RFX2: variants seen among roughly 807,000 people sequenced by gnomAD.
The protein encoded by RFX2 is regulatory factor X2.
A neutral mutation model predicts 87.8 loss-of-function variants in RFX2; 20 were observed. That is an observed-to-expected ratio of 0.23 (90% CI 0.16 to 0.33). RFX2 has a LOEUF of 0.33. Among genes scored for constraint, RFX2 ranks in the 10% least tolerant of loss-of-function variants. RFX2 has a pLI of 1.00. For synonymous variants in RFX2, 397 were observed against 431.3 expected (o/e 0.92, Z 0.98); for missense variants, 767 against 1,012.3 (o/e 0.76, Z 3.29).
Position 5,994,707 on chromosome 19 carries a change from C to A in RFX2, c.*128G>T. 1 of 652,494 alleles carries A rather than the reference C, an allele frequency of 1.5e-6. No individual in the cohort carries two copies. The highest frequency in any genetic ancestry group is 2.7e-6 in the Non-Finnish European group (1 of 375,748). 40.4% of individuals were successfully genotyped at this position (652,494 alleles called of 1,614,324 possible). A position where few individuals can be genotyped will look rare whatever the true frequency, so the allele number is the denominator to read the frequency against. The stretch of plus-strand genomic sequence containing the variant: ...TTCTTGAACACTGACCCCGGGAGCC[C>A]CCGCTTGAGTCAAAGTAAACATCAC... On this transcript the variant is annotated 3_prime_UTR_variant, in exon 18 of 18. Transcript: ENST00000303657.
Position 6,012,277 on chromosome 19 carries a change from G to C in RFX2, c.899+709C>G, listed in dbSNP as rs2086668753. 1 of 152,232 alleles carries C rather than the reference G, an allele frequency of 6.6e-6. No individual in the cohort carries two copies. Among genetic ancestry groups the C allele is most frequent in the African/African-American group, 2.4e-5 (1 of 41,458 alleles). 9.4% of individuals were successfully genotyped at this position (152,232 alleles called of 1,614,324 possible). On this transcript the variant is annotated intron_variant, in intron 8 of 17. Transcript: ENST00000303657. The surrounding 1 kb of genome is among the most constrained non-coding windows in gnomAD (Gnocchi z 4.6). ...ATCTGCTTCTTTCTCCTGGCTTCTT[G>C]GGTTATTTGCAGTGTCCTCTCTCTC...
intron 5 of RFX2, among the ~76,000 whole-genome samples, chr19:6,032,116 T>C (rs1425187819): frequency 6.6e-6 from 1 of 152,124 alleles, no homozygotes; most frequent in East Asian, 1.9e-4. Flanking sequence ...AGATTGTTTT[T>C]ATTTTATTAT....
chr19:6,011,504 G>C lies in RFX2; in HGVS notation c.900-1253C>G, dbSNP rs2086659667. On this transcript the variant is annotated intron_variant, in intron 8 of 17. Coordinates refer to ENST00000303657, the MANE Select transcript of RFX2 (RefSeq NM_000635.4). The surrounding 1 kb of genome is among the most constrained non-coding windows in gnomAD (Gnocchi z 4.8). ...GGGCATCACACAGACACAGGCTCAG[G>C]CTGTGGCTTCCAAATGCAAATGGCA... Among the ~76,000 whole-genome samples, 4 of 152,242 alleles carry C rather than the reference G, an allele frequency of 2.6e-5. No individual in the cohort carries two copies. The South Asian group carries it at 8.3e-4, about 32-fold the overall frequency.
Position 6,010,153 on chromosome 19 carries a change from T to G in RFX2, c.998A>C (p.His333Pro), listed in dbSNP as rs2086641546. The G allele has an allele frequency of 6.5e-7, 1 of 1,548,038 alleles. No homozygotes were observed. The highest frequency in any genetic ancestry group is 1.4e-5 in the African/African-American group (1 of 73,000). Residue 333 changes from histidine (H) to proline (P), a missense_variant, in exon 9 of 18, where the codon CAC becomes CCC. This residue lies in a region of RFX2 where 621 missense variants were observed against 873.0 expected (regional missense o/e 0.71). Coordinates refer to ENST00000303657, the MANE Select transcript of RFX2 (RefSeq NM_000635.4). The surrounding 1 kb of genome is among the most constrained non-coding windows in gnomAD (Gnocchi z 5.0). ...PEQTMAVQSQ[H>P]HQQYIDVSHV... ...CCTCTCACCTATGTACTGCTGGTGGTGCTGGCTCTGCACGGCCATGGTCTG... is the reference window on the plus strand; with the variant it reads ...CCTCTCACCTATGTACTGCTGGTGGGGCTGGCTCTGCACGGCCATGGTCTG...
chr19:5,995,568 G>T (rs757471649), intron 17 of RFX2, 33 bp downstream of exon 17: 4 of 1,549,086 alleles, frequency 2.6e-6, no homozygotes, highest in Non-Finnish European at 3.5e-6. Flanking sequence ...CCTCCTGGGA[G>T]GGTCGTGGTG....
At chr19:6,077,104 A>G (rs1196110204) in intron 1 of RFX2, 1 of 152,246 alleles carries the variant, frequency 6.6e-6, no homozygotes, top group Non-Finnish European at 1.5e-5. Flanking sequence ...CAACTCATAA[A>G]TCGCATAACA....
chr19:6,099,143 C>A (rs1370826477), intron 1 of RFX2, among the ~76,000 whole-genome samples: 1 of 152,128 alleles, frequency 6.6e-6, no homozygotes, highest in Non-Finnish European at 1.5e-5. Flanking sequence ...TCCAAATTGA[C>A]TTTTTAACAG....
At position 6,001,778 on chromosome 19, in the gene RFX2, C is replaced by A. The variant is rs1009596438; in HGVS notation, c.1859+37G>T. 47 of 1,541,152 alleles carry A rather than the reference C, an allele frequency of 3.0e-5. No homozygotes were observed. Among genetic ancestry groups the A allele is most frequent in the Non-Finnish European group, 3.9e-5 (44 of 1,135,942 alleles). On this transcript the variant is annotated intron_variant, in intron 15 of 17. Coordinates refer to ENST00000303657, the MANE Select transcript of RFX2 (RefSeq NM_000635.4). The surrounding 1 kb of genome is among the most constrained non-coding windows in gnomAD (Gnocchi z 5.6). ...TAGAAGTTTCTCTCAGAGCCCCCCACCCGCCAGAATTCTCTCGGAGGTCTG... is the reference window on the plus strand; with the variant it reads ...TAGAAGTTTCTCTCAGAGCCCCCCAACCGCCAGAATTCTCTCGGAGGTCTG...
At chr19:6,088,439 G>A (rs2087887941) in intron 1 of RFX2, among the ~76,000 whole-genome samples, 1 of 151,820 alleles carries the variant, frequency 6.6e-6, no homozygotes, top group African/African-American at 2.4e-5. Context: ...TCGAACTCTC[G>A]ACCTCAGGTG....
chr19:6,081,859 G>A (rs1204788113), intron 1 of RFX2, among the ~76,000 whole-genome samples: 5 of 152,154 alleles, frequency 3.3e-5, no homozygotes, highest in Non-Finnish European at 5.9e-5. Flanking sequence ...AGGCCGAGGC[G>A]GGCAGATCAT....
chr19:6,025,413 GT>G (rs1302085124), intron 6 of RFX2, among the ~76,000 whole-genome samples: 1 of 152,114 alleles, frequency 6.6e-6, no homozygotes, highest in African/African-American at 2.4e-5. Flanking sequence ...TCAAATTACT[GT>G]TTCTTTCCAA....
chr19:6,057,852 T>A (rs1006366857), intron 1 of RFX2, among the ~76,000 whole-genome samples: 1 of 152,172 alleles, frequency 6.6e-6, no homozygotes, highest in Non-Finnish European at 1.5e-5. Context: ...AAAAGTCTTG[T>A]CCGTTTCCTT....
rs2087461930 is a variant in RFX2 at position 6,063,112 on chromosome 19, A to G, written c.-8-15608T>C. Among the ~76,000 whole-genome samples, 1 of 151,754 alleles carries G rather than the reference A, an allele frequency of 6.6e-6. No individual in the cohort carries two copies. Among genetic ancestry groups the G allele is most frequent in the African/African-American group, 2.4e-5 (1 of 41,266 alleles). On this transcript the variant is annotated intron_variant, in intron 1 of 17. Coordinates refer to ENST00000303657, the MANE Select transcript of RFX2 (RefSeq NM_000635.4). The surrounding 1 kb of genome is among the most constrained non-coding windows in gnomAD (Gnocchi z 4.0). ...TTGCTCCTAGGCCGCCTTCTCCCTC[A>G]TGCATCCAGCTACTTGGTTTGAAAC...
rs1236107155 is a variant in RFX2 at position 6,010,201 on chromosome 19, C to G, written c.950G>C (p.Ser317Thr). ...TDSLGDSGSHSGLHSTPEQTM... is the reference protein window; with the variant it reads ...TDSLGDSGSHTGLHSTPEQTM... ...CTGTTCCGGAGTGCTGTGCAGGCCG[C>G]TGTGGGAGCCGCTGTCCCCGAGGCT... The change falls in exon 9 of 18, where the codon AGC becomes ACC. Residue 317 changes from serine to threonine, a missense_variant. Physicochemically the swap from Ser to Thr is moderately conservative, Grantham distance 58 (BLOSUM62 1). Transcript: ENST00000303657. This position sits in a 1 kb window ranked among gnomAD's most constrained non-coding sequence, Gnocchi z 5.0. 2 of 1,548,502 alleles carry G rather than the reference C, an allele frequency of 1.3e-6. No homozygotes were observed. The highest frequency in any genetic ancestry group is 4.9e-5 in the East Asian group (2 of 40,942).
rs544724240 is a variant in RFX2 at position 6,011,267 on chromosome 19, C to T, written c.900-1016G>A. Among the ~76,000 whole-genome samples, 2 of 152,336 alleles carry T rather than the reference C, an allele frequency of 1.3e-5. No individual in the cohort carries two copies. The highest frequency in any genetic ancestry group is 3.9e-4 in the East Asian group (2 of 5,186). On this transcript the variant is annotated intron_variant, in intron 8 of 17. Transcript: ENST00000303657. The surrounding 1 kb of genome is among the most constrained non-coding windows in gnomAD (Gnocchi z 4.8). ...GCCAGATGGTGGTGGCCAGCCTGTGCAGGCAGTGCTGAGAAACACTCAGCA... is the reference window on the plus strand; with the variant it reads ...GCCAGATGGTGGTGGCCAGCCTGTGTAGGCAGTGCTGAGAAACACTCAGCA...
chr19:6,042,443 T>C (rs901616119), intron 3 of RFX2, among the ~76,000 whole-genome samples: 1 of 151,530 alleles, frequency 6.6e-6, no homozygotes, highest in Non-Finnish European at 1.5e-5. Context: ...CAGTGGAAAC[T>C]AGAGTTGTGG....
At chr19:6,106,752 G>T (rs928452480) in intron 1 of RFX2, among the ~76,000 whole-genome samples, 6 of 150,334 alleles carry the variant, frequency 4.0e-5, no homozygotes, top group African/African-American at 1.2e-4. Context: ...GGGGTATACT[G>T]TTTAAATGTT....
chr19:6,001,916 G>A lies in RFX2; in HGVS notation c.1758C>T (p.Ser586=). The A allele has an allele frequency of 6.2e-7, 1 of 1,613,028 alleles. No homozygotes were observed. The highest frequency in any genetic ancestry group is 8.5e-7 in the Non-Finnish European group (1 of 1,179,922). Residue 586 remains serine, a synonymous_variant, in exon 15 of 18, where the codon AGC becomes AGT. Transcript: ENST00000303657. The surrounding 1 kb of genome is among the most constrained non-coding windows in gnomAD (Gnocchi z 5.6). ...QQQSSLDQWA[S]WLDSVVTQVL... ...CCTGGGTGACCACACTGTCCAGCCA[G>A]CTGGCCCACTGGTCCAGGGAGCTCT...
Position 6,021,854 on chromosome 19 carries a change from A to C in RFX2, c.597+4309T>G, listed in dbSNP as rs895209754. 5.9e-5 allele frequency among the ~76,000 whole-genome samples: 9 copies of C among 152,110 alleles called. No homozygotes were observed. Among genetic ancestry groups the C allele is most frequent in the Admixed American group, 4.6e-4 (7 of 15,276 alleles). On this transcript the variant is annotated intron_variant, in intron 6 of 17. Transcript: ENST00000303657. The surrounding 1 kb of genome is among the most constrained non-coding windows in gnomAD (Gnocchi z 5.7). ...CAGGATCACTCTGGTGGCTGCTGTGAGAAGGGGCTGGAGGCTGGGTAGGGG... is the reference window on the plus strand; with the variant it reads ...CAGGATCACTCTGGTGGCTGCTGTGCGAAGGGGCTGGAGGCTGGGTAGGGG...
Sources: gnomAD v4.1 joint callset for allele counts (sites outside exome capture counted in the v4.1 genomes callset) on GRCh38, gnomAD v4.1.1 for gene constraint, gnomAD v4.1.1 regional missense constraint, Gnocchi (gnomAD v3.1) non-coding constraint, MANE v1.5 for transcripts, NCBI Gene and HGNC (gene_info 2026-07-23, HGNC 2026-07-21) for gene names.